TRAPPC9: variants seen among roughly 807,000 people sequenced by gnomAD.
TRAPPC9 encodes trafficking protein particle complex subunit 9.
Under a neutral mutation model 124.0 loss-of-function variants are expected in TRAPPC9, and 83 were observed. The observed-to-expected ratio is 0.67, with a 90% CI of 0.56 to 0.80. The LOEUF is 0.80. Among genes scored for constraint, TRAPPC9 ranks in the 30% least tolerant of loss-of-function variants. TRAPPC9 has a pLI of 0.00. For missense variants in TRAPPC9, 1,302 were observed against 1,508.3 expected (o/e 0.86, Z 2.27); for synonymous variants, 638 against 617.5 (o/e 1.03, Z -0.49).
intron 21 of TRAPPC9, among the ~76,000 whole-genome samples, chr8:139,765,590 A>G (rs1240347172): frequency 6.6e-6 from 1 of 152,224 alleles, no homozygotes; most frequent in South Asian, 2.1e-4. Flanking sequence ...TCAGGTCAGA[A>G]CCCCCATCAA....
At position 140,110,173 on chromosome 8, in the gene TRAPPC9, C is replaced by A. The variant is rs562429493; in HGVS notation, c.2557-86094G>T. ...CTCTGCTCTGCTCTTCCCAAAGAGC[C>A]CAGCTGCCCTCTGGCAGCAGCTCCC... On this transcript the variant is annotated intron_variant, in intron 17 of 22. Transcript: ENST00000438773. Among the ~76,000 whole-genome samples, 264 of 151,762 alleles carry A rather than the reference C, an allele frequency of 1.7e-3. 2 individuals are homozygous for A. The highest frequency in any genetic ancestry group is 6.0e-3 in the African/African-American group (246 of 41,300).
chr8:140,065,080 TTA>T (rs1398262562), intron 17 of TRAPPC9, among the ~76,000 whole-genome samples: 1 of 152,200 alleles, frequency 6.6e-6, no homozygotes, highest in Non-Finnish European at 1.5e-5. Flanking sequence ...AAGGAAGACA[TTA>T]TATCCATATG....
At chr8:139,752,925 C>A (rs1031833950) in intron 21 of TRAPPC9, among the ~76,000 whole-genome samples, 2 of 149,766 alleles carry the variant, frequency 1.3e-5, no homozygotes, top group Admixed American at 1.3e-4. Context: ...CATCCAGCAT[C>A]TACCCATGCA....
chr8:140,106,755 C>T (rs781557322), intron 17 of TRAPPC9, among the ~76,000 whole-genome samples: 3 of 152,154 alleles, frequency 2.0e-5, no homozygotes, highest in African/African-American at 4.8e-5. Flanking sequence ...CGACCTCAAA[C>T]GTATTGTTAC....
At chr8:139,958,239 C>A (rs1470745519) in intron 19 of TRAPPC9, among the ~76,000 whole-genome samples, 2 of 152,214 alleles carry the variant, frequency 1.3e-5, no homozygotes, top group Admixed American at 6.5e-5. Context: ...GGCTCCCTTC[C>A]CCTGACAACA....
chr8:140,095,560 G>C (rs971917328), intron 17 of TRAPPC9: 1 of 152,212 alleles, frequency 6.6e-6, no homozygotes, highest in African/African-American at 2.4e-5. Flanking sequence ...CAGGCCTCCA[G>C]ACAGGACCCA....
chr8:139,916,795 A>G (rs549222626), intron 19 of TRAPPC9, among the ~76,000 whole-genome samples: 1 of 152,380 alleles, frequency 6.6e-6, no homozygotes, highest in East Asian at 1.9e-4. Context: ...GGGAAGTCAC[A>G]ATGACATTTA....
intron 14 of TRAPPC9, among the ~76,000 whole-genome samples, chr8:140,278,168 A>G (rs147556112): frequency 6.6e-6 from 1 of 152,120 alleles, no homozygotes; most frequent in African/African-American, 2.4e-5. Flanking sequence ...CAGTGGCACA[A>G]TCTCCACTCA....
chr8:140,252,751 C>A lies in TRAPPC9; in HGVS notation c.2431+26G>T. ...ACACAGTATCTAGGACCCTGACGTG[C>A]TAATTAAAATTAGGAAAGCGCTTAC... On this transcript the variant is annotated intron_variant, in intron 16 of 22. Transcript: ENST00000438773. The surrounding 1 kb of genome is among the most constrained non-coding windows in gnomAD (Gnocchi z 4.2). 6.2e-7 allele frequency: 1 copy of A among 1,611,866 alleles called. No individual in the cohort carries two copies. Among genetic ancestry groups the A allele is most frequent in the Non-Finnish European group, 8.5e-7 (1 of 1,179,906 alleles).
chr8:140,229,983 G>A (rs1307450426), intron 16 of TRAPPC9, among the ~76,000 whole-genome samples: 1 of 152,122 alleles, frequency 6.6e-6, no homozygotes, highest in Non-Finnish European at 1.5e-5. Flanking sequence ...TCCTTCTAGG[G>A]TCCCAGATAA....
intron 18 of TRAPPC9, among the ~76,000 whole-genome samples, chr8:139,995,985 G>A (rs1837939472): frequency 6.7e-6 from 1 of 150,050 alleles, no homozygotes. Flanking sequence ...CACAGAACCA[G>A]GAAAATATCA....
intron 20 of TRAPPC9, among the ~76,000 whole-genome samples, chr8:139,902,421 C>T (rs1266165770): frequency 6.6e-6 from 1 of 152,218 alleles, no homozygotes; most frequent in Non-Finnish European, 1.5e-5. Context: ...CTGTGGCTGA[C>T]AGGGCTTCCC....
chr8:139,988,140 G>C (rs1235727262), intron 19 of TRAPPC9, among the ~76,000 whole-genome samples: 1 of 131,924 alleles, frequency 7.6e-6, no homozygotes, highest in African/African-American at 2.9e-5. Flanking sequence ...GCGGAGTCTC[G>C]CTCTGTCGCC....
At position 140,221,476 on chromosome 8, in the gene TRAPPC9, C is replaced by T. The variant is rs139306503; in HGVS notation, c.2539G>A (p.Asp847Asn). 1.2e-4 allele frequency: 189 copies of T among 1,614,066 alleles called. 2 individuals carry two copies. In the East Asian group the frequency reaches 4.1e-3, roughly 35 times the overall value. ...VNPPESNKAG[D>N]YSHVKTLEAV... ...CAACTCACCTTCACGTGGCTGTAGT[C>T]GCCTGCTTTGTTGCTCTCGGGTGGG... is the stretch of plus-strand genomic sequence containing the variant. Residue 847 changes from aspartate (D) to asparagine (N), a missense_variant, in exon 17 of 23, where the codon GAC becomes AAC. This residue lies in a region of TRAPPC9 where 640 missense variants were observed against 679.3 expected (regional missense o/e 0.94). Transcript: ENST00000438773.
rs775851392 is a variant in TRAPPC9, at chr8:140,252,964, G to GT, written c.2279-36dup. The GT allele has an allele frequency of 3.7e-6, 6 of 1,609,220 alleles. No individual in the cohort carries two copies. The South Asian group carries it at 6.6e-5, about 18-fold the overall frequency. On this transcript the variant is annotated intron_variant, in intron 15 of 22. Transcript: ENST00000438773. This position sits in a 1 kb window ranked among gnomAD's most constrained non-coding sequence, Gnocchi z 4.2. ...TAACAATGACAGTGATGAGGATGCTGTAACTGAGGCAGTATGGGACTTACC... is the reference window on the plus strand; with the variant it reads ...TAACAATGACAGTGATGAGGATGCTGTTAACTGAGGCAGTATGGGACTTACC...
At chr8:139,827,295 G>A (rs181201014) in intron 21 of TRAPPC9, among the ~76,000 whole-genome samples, 37 of 152,346 alleles carry the variant, frequency 2.4e-4, no homozygotes, top group Non-Finnish European at 3.4e-4. Flanking sequence ...CAGGGCCGAG[G>A]CATGTGTCTG....
chr8:140,124,260 G>C (rs1362531663), intron 17 of TRAPPC9, among the ~76,000 whole-genome samples: 5 of 152,160 alleles, frequency 3.3e-5, no homozygotes, highest in Non-Finnish European at 5.9e-5. Context: ...TGCAGGGGGG[G>C]CTCTGCCTGA....
chr8:140,194,688 C>T (rs1386811282), intron 17 of TRAPPC9, among the ~76,000 whole-genome samples: 1 of 152,140 alleles, frequency 6.6e-6, no homozygotes, highest in Non-Finnish European at 1.5e-5. Flanking sequence ...CTTTCAATAC[C>T]CAGCTCTGGT....
chr8:140,132,922 C>G (rs964583771), intron 17 of TRAPPC9, among the ~76,000 whole-genome samples: 3 of 152,178 alleles, frequency 2.0e-5, no homozygotes, highest in African/African-American at 7.2e-5. Flanking sequence ...GATGGGTCAT[C>G]TGAAACCTCC....
Sources: gnomAD v4.1 joint callset for allele counts (sites outside exome capture counted in the v4.1 genomes callset) on GRCh38, gnomAD v4.1.1 for gene constraint, gnomAD v4.1.1 regional missense constraint, Gnocchi (gnomAD v3.1) non-coding constraint, MANE v1.5 for transcripts, NCBI Gene and HGNC (gene_info 2026-07-23, HGNC 2026-07-21) for gene names.